Variants in SHTN1 observed in about 807,000 individuals in gnomAD.
SHTN1 encodes shootin-1.
SHTN1 carries 42 observed loss-of-function variants against 83.1 expected under a neutral mutation model. The ratio of observed to expected loss-of-function variants is 0.51; its 90% CI spans 0.39 to 0.65. The LOEUF (loss-of-function observed/expected upper bound fraction) is 0.65. SHTN1 is among the 30% of genes least tolerant of loss of function. The pLI is 0.00. For synonymous variants in SHTN1, 224 were observed against 247.7 expected (o/e 0.90, Z 0.90); for missense variants, 622 against 737.8 (o/e 0.84, Z 1.82).
intron 3 of SHTN1, among the ~76,000 whole-genome samples, chr10:116,960,831 A>G (rs17095484): frequency 0.011 from 1,671 of 152,332 alleles, 20 homozygotes; most frequent in African/African-American, 0.032. Context: ...TATAAAGCAG[A>G]TGCTAATAAA....
At chr10:117,074,207 T>G (rs1404794220) in intron 1 of SHTN1, among the ~76,000 whole-genome samples, 1 of 152,204 alleles carries the variant, frequency 6.6e-6, no homozygotes, top group Non-Finnish European at 1.5e-5. Context: ...GACCCTGTTG[T>G]TCACTCCCTA....
chr10:117,005,229 G>A, upstream of SHTN1: 1 of 1,496,052 alleles, frequency 6.7e-7, no homozygotes, highest in Non-Finnish European at 8.9e-7. Context: ...CTGGCGCGGA[G>A]CGCGCGAGTG....
chr10:116,992,455 A>G (rs1851472157), intron 1 of SHTN1, among the ~76,000 whole-genome samples: 1 of 152,226 alleles, frequency 6.6e-6, no homozygotes, highest in South Asian at 2.1e-4. Context: ...TCATCTCAGG[A>G]TGCCAGCAAA....
intron 2 of SHTN1, among the ~76,000 whole-genome samples, chr10:117,025,659 G>A (rs1030398056): frequency 2.6e-5 from 4 of 152,114 alleles, no homozygotes; most frequent in African/African-American, 7.2e-5. Flanking sequence ...CCTTCCCACC[G>A]CTTGAGGAGA....
intron 2 of SHTN1, among the ~76,000 whole-genome samples, chr10:117,046,320 C>G (rs1852663722): frequency 6.6e-6 from 1 of 151,974 alleles, no homozygotes; most frequent in African/African-American, 2.4e-5. Flanking sequence ...CAAATCAAAA[C>G]CACAATGAAA....
chr10:117,113,920 G>A (rs1397926774), intron 1 of SHTN1, among the ~76,000 whole-genome samples: 2 of 152,154 alleles, frequency 1.3e-5, no homozygotes, highest in Admixed American at 1.3e-4. Context: ...GCTGGCACAC[G>A]CCTATAATCC....
chr10:117,039,557 A>G (rs1852552297), intron 2 of SHTN1, among the ~76,000 whole-genome samples: 1 of 152,178 alleles, frequency 6.6e-6, no homozygotes, highest in South Asian at 2.1e-4. Context: ...AGGGGATGTT[A>G]AAAATGGGGA....
intron 1 of SHTN1, among the ~76,000 whole-genome samples, chr10:117,085,918 ATTTT>A (rs35586223): frequency 2.5e-5 from 3 of 121,108 alleles, no homozygotes; most frequent in African/African-American, 6.4e-5. Context: ...GCTTTGTCTG[ATTTT>A]TTTTTTTTTT....
intron 2 of SHTN1, among the ~76,000 whole-genome samples, chr10:117,041,256 C>T (rs1395542052): frequency 2.6e-5 from 4 of 152,082 alleles, no homozygotes; most frequent in Non-Finnish European, 5.9e-5. Context: ...AGTATGTCTT[C>T]GTTAATATAT....
chr10:117,008,329 C>T (rs1852051774), upstream of SHTN1, among the ~76,000 whole-genome samples: 1 of 151,856 alleles, frequency 6.6e-6, no homozygotes, highest in South Asian at 2.1e-4. Flanking sequence ...AAAGTAAAAT[C>T]ACATATGTCA....
intron 3 of SHTN1, among the ~76,000 whole-genome samples, chr10:116,960,786 A>G (rs1234754734): frequency 6.6e-6 from 1 of 152,252 alleles, no homozygotes; most frequent in Non-Finnish European, 1.5e-5. Flanking sequence ...TCTCAGGCAG[A>G]AAAGTATAGC....
chr10:116,967,297 A>G (rs1850430010), intron 3 of SHTN1, among the ~76,000 whole-genome samples: 1 of 152,252 alleles, frequency 6.6e-6, no homozygotes, highest in Admixed American at 6.5e-5. Flanking sequence ...ACATAAAAAA[A>G]ATAGCAAAAA....
At chr10:116,888,171 C>A (rs879750636) in intron 16 of SHTN1, among the ~76,000 whole-genome samples, 2 of 152,154 alleles carry the variant, frequency 1.3e-5, no homozygotes, top group African/African-American at 2.4e-5. Context: ...GTAGTGAGGA[C>A]AGATTCCTTT....
intron 2 of SHTN1, among the ~76,000 whole-genome samples, chr10:116,975,796 T>C (rs892478531): frequency 2.6e-5 from 4 of 152,236 alleles, no homozygotes; most frequent in African/African-American, 9.6e-5. Context: ...AGAATCTATA[T>C]GTATATATAC....
At chr10:116,886,602 G>T (rs1238092726) in intron 16 of SHTN1, 36 bp from the exon 17 acceptor site, 1 of 1,609,638 alleles carries the variant, frequency 6.2e-7, no homozygotes. Context: ...AAAGTAAAAA[G>T]CAGAGAGAGA....
intron 1 of SHTN1, among the ~76,000 whole-genome samples, chr10:117,068,952 GA>G (rs1853042670): frequency 6.6e-6 from 1 of 151,990 alleles, no homozygotes. Context: ...ACCTATATAG[GA>G]AACAGTGAGA....
intron 5 of SHTN1, 103 bp from the exon 6 acceptor site, chr10:116,952,109 G>C: frequency 2.0e-6 from 1 of 491,830 alleles, no homozygotes; most frequent in Non-Finnish European, 3.4e-6. Flanking sequence ...GCAGCTTATG[G>C]TCAAGATTAT....
intron 1 of SHTN1, among the ~76,000 whole-genome samples, chr10:116,980,241 C>A (rs1269399477): frequency 6.6e-6 from 1 of 152,214 alleles, no homozygotes; most frequent in Non-Finnish European, 1.5e-5. Flanking sequence ...AACTGCTGCT[C>A]ACCCCAGGGC....
chr10:117,065,659 A>G (rs557426218), intron 1 of SHTN1, among the ~76,000 whole-genome samples: 2 of 149,352 alleles, frequency 1.3e-5, no homozygotes, highest in South Asian at 4.4e-4. Flanking sequence ...TGAAGGTTGC[A>G]GTGAACCAAG....
Sources: allele counts gnomAD v4.1 joint callset (sites outside exome capture counted in the v4.1 genomes callset), GRCh38; gene constraint gnomAD v4.1.1; transcripts MANE v1.5; gene names NCBI Gene and HGNC (gene_info 2026-07-23, HGNC 2026-07-21).